IZUMO1: variants seen among roughly 807,000 people sequenced by gnomAD.
The protein encoded by IZUMO1 is izumo sperm-oocyte fusion 1.
A neutral mutation model predicts 40.7 loss-of-function variants in IZUMO1; 44 were observed. The ratio of observed to expected loss-of-function variants is 1.08; its 90% confidence interval spans 0.85 to 1.39. The LOEUF is 1.39. Among genes scored for constraint, IZUMO1 ranks in the 40% most tolerant of loss-of-function variants. IZUMO1 has a pLI of 0.00. For missense variants in IZUMO1, 368 were observed against 436.9 expected (o/e 0.84, Z 1.41); for synonymous variants, 149 against 170.9 (o/e 0.87, Z 1.00).
At position 48,741,649 on chromosome 19, in the gene IZUMO1, C is replaced by T; in HGVS notation, c.754+140G>A. 1 of 1,280,692 alleles carries T rather than the reference C, an allele frequency of 7.8e-7. No individual in the cohort carries two copies. Among genetic ancestry groups the T allele is most frequent in the Non-Finnish European group, 1.1e-6 (1 of 944,846 alleles). The allele number at this position is 1,280,692 out of a possible 1,614,324, so 79.3% of individuals were successfully genotyped here. ...TCCTCGGGGCCAGAGGCCACGCCCC[C>T]GGCAGGAAGCCACACCCCGTGCCCC... On this transcript the variant is annotated intron_variant, in intron 8 of 9. Transcript: ENST00000332955. The surrounding 1 kb of genome is among the most constrained non-coding windows in gnomAD (Gnocchi z 4.4).
At position 48,745,877 on chromosome 19, in the gene IZUMO1, G is replaced by A. The variant is rs1378361331; in HGVS notation, c.-18C>T. The A allele has an allele frequency of 1.2e-6, 2 of 1,613,622 alleles. No individual in the cohort carries two copies. The highest frequency in any genetic ancestry group is 1.7e-6 in the Non-Finnish European group (2 of 1,179,730). ...GGCCCCATTGCAGCCGGCGCGCACA[G>A]TTCCCGAAGACCGTTAGGAAGGGTG... is the stretch of plus-strand genomic sequence containing the variant. On this transcript the variant is annotated 5_prime_UTR_variant, in exon 2 of 10. Transcript: ENST00000332955.
rs1440376935 is a variant in IZUMO1 at position 48,740,958 on chromosome 19, C to A, written c.1003G>T (p.Glu335Ter). The part of the protein sequence containing the change: ...SLFGLGSGAA[E>*]QTQVPKEKAT... ...TTTTCTTTTGGGACCTGGGTTTGCTCGGCCGCTCCACTGCCAAGGCCAAAC... is the reference window on the plus strand; with the variant it reads ...TTTTCTTTTGGGACCTGGGTTTGCTAGGCCGCTCCACTGCCAAGGCCAAAC... Residue 335 changes from glutamate to a stop codon, truncating the protein, a stop_gained, in exon 10 of 10, where the codon GAG (glutamate) becomes TAG (stop). Transcript: ENST00000332955. LOFTEE classifies it low-confidence loss of function (END_TRUNC). This position sits in a 1 kb window ranked among gnomAD's most constrained non-coding sequence, Gnocchi z 5.5. The A allele has an allele frequency of 6.2e-7, 1 of 1,614,152 alleles. No individual in the cohort carries two copies. Among genetic ancestry groups the A allele is most frequent in the Non-Finnish European group, 8.5e-7 (1 of 1,180,008 alleles).
In IZUMO1 at chr19:48,745,854, C is replaced by G; in HGVS notation, c.6G>C (p.Gly2=). The change falls in exon 2 of 10, where the codon GGG becomes GGC. Residue 2 remains glycine, a synonymous_variant. Transcript: ENST00000332955. ...CCGCACACAGGAGGGTAAAATGCGGCCCCATTGCAGCCGGCGCGCACAGTT... is the reference window on the plus strand; with the variant it reads ...CCGCACACAGGAGGGTAAAATGCGGGCCCATTGCAGCCGGCGCGCACAGTT... The part of the protein sequence containing the change: M[G]PHFTLLCAAL... 6.2e-7 allele frequency: 1 copy of G among 1,614,140 alleles called. No homozygotes were observed. Among genetic ancestry groups the G allele is most frequent in the South Asian group, 1.1e-5 (1 of 91,080 alleles).
At chr19:48,742,943 G>C (rs1474887783) in intron 6 of IZUMO1, 1 of 153,744 alleles carries the variant, frequency 6.5e-6, no homozygotes, top group African/African-American at 2.4e-5. Flanking sequence ...TCTTGGCCAG[G>C]CTGGTCTTGA....
At position 48,743,487 on chromosome 19, in the gene IZUMO1, T is replaced by C. The variant is rs2033784222; in HGVS notation, c.457A>G (p.Lys153Glu). Reference protein sequence around the residue: ...LQTLIWCKNCKKEVHACRKSY... With the variant: ...LQTLIWCKNCEKEVHACRKSY... ...TTTCGACAAGCGTGAACCTCCTTTT[T>C]GCAGTTCTTGCACCAGATCAGAGTT... The change falls in exon 6 of 10, where the codon AAA becomes GAA. Residue 153 changes from lysine to glutamate, a missense_variant. Transcript: ENST00000332955. 1.2e-6 allele frequency: 2 copies of C among 1,614,072 alleles called. No individual in the cohort carries two copies. The highest frequency in any genetic ancestry group is 2.2e-5 in the East Asian group (1 of 44,892).
chr19:48,745,773 G>A lies in IZUMO1; in HGVS notation c.87C>T (p.Val29=). 6.2e-7 allele frequency: 1 copy of A among 1,614,172 alleles called. No individual in the cohort carries two copies. Among genetic ancestry groups the A allele is most frequent in the African/African-American group, 1.3e-5 (1 of 75,032 alleles). The change falls in exon 2 of 10, where the codon GTC becomes GTT. Residue 29 remains valine (V), a synonymous_variant. Coordinates refer to ENST00000332955, the MANE Select transcript of IZUMO1 (RefSeq NM_182575.3). ...TCTCCAGGGACTTTAGCGCCAGCAC[G>A]ACAGACGGGTCACATATAACACACC... ...AEGCVICDPS[V]VLALKSLEKD...
chr19:48,743,945 C>T (rs555423621), intron 5 of IZUMO1: 46 of 546,604 alleles, frequency 8.4e-5, no homozygotes, highest in Non-Finnish European at 1.3e-4. Flanking sequence ...GAGCCGTGAT[C>T]GTGCCACTGC....
chr19:48,744,248 T>G, intron 4 of IZUMO1, 53 bp from the exon 5 acceptor site: 13 of 1,574,380 alleles, frequency 8.3e-6, no homozygotes, highest in Non-Finnish European at 1.0e-5. Flanking sequence ...GAGTCAGATT[T>G]CTAAATGAAA....
chr19:48,745,462 A>AT (rs1173517555), intron 2 of IZUMO1, 163 bp downstream of exon 2: 1 of 1,046,508 alleles, frequency 9.6e-7, no homozygotes, highest in African/African-American at 1.6e-5. Flanking sequence ...CCAGCCGAGG[A>AT]TAGGGAAAAC....
At chr19:48,745,490 G>T in intron 2 of IZUMO1, 135 bp downstream of exon 2, 1 of 1,163,874 alleles carries the variant, frequency 8.6e-7, no homozygotes, top group East Asian at 2.4e-5. Flanking sequence ...ACTAGCCTCG[G>T]GGAACCTCGG....
chr19:48,743,405 C>A (rs1343197789), intron 6 of IZUMO1, 40 bp downstream of exon 6: 1 of 1,608,244 alleles, frequency 6.2e-7, no homozygotes, highest in Non-Finnish European at 8.5e-7. Flanking sequence ...CGCCCCACCC[C>A]ACCTGCACCA....
At chr19:48,744,406 A>G in intron 4 of IZUMO1, 47 bp downstream of exon 4, 1 of 1,450,804 alleles carries the variant, frequency 6.9e-7, no homozygotes, top group African/African-American at 1.4e-5. Context: ...GGACTCTTGG[A>G]TAGTGGAAAG....
chr19:48,745,594 C>T (rs766464854), intron 2 of IZUMO1, 31 bp downstream of exon 2: 1 of 1,612,654 alleles, frequency 6.2e-7, no homozygotes, highest in South Asian at 1.1e-5. Flanking sequence ...TTTCCCAGGA[C>T]CCAGGGGTCC....
chr19:48,745,099 G>A (rs1442139933), intron 3 of IZUMO1, 115 bp downstream of exon 3: 5 of 816,796 alleles, frequency 6.1e-6, no homozygotes, highest in Admixed American at 5.9e-5. Context: ...GGCAGAGCAG[G>A]CATTGGAATC....
intron 1 of IZUMO1, 154 bp downstream of exon 1, chr19:48,746,281 C>A (rs1340255041): frequency 9.7e-7 from 1 of 1,036,014 alleles, no homozygotes; most frequent in African/African-American, 1.7e-5. Context: ...TGAACTCCAA[C>A]CCTTAAGAGC....
intron 1 of IZUMO1, chr19:48,746,212 C>G: frequency 3.7e-6 from 4 of 1,085,694 alleles, no homozygotes; most frequent in South Asian, 3.0e-5. Context: ...CAACCCCATG[C>G]GCCCCTTCCC....
chr19:48,743,122 G>T (rs1372902536), intron 6 of IZUMO1: 4 of 348,168 alleles, frequency 1.1e-5, no homozygotes, highest in Admixed American at 8.4e-5. Context: ...CAACTCCTGG[G>T]TCCAAGCAAT....
rs1228996798 is a variant in IZUMO1, at chr19:48,746,902, G to C, written c.-541C>G. The stretch of plus-strand genomic sequence containing the variant: ...ACGTAGGGGCCCGAATTCCTTTATA[G>C]ATATTCCTTGGGGTTTTCCTCGGCC... On this transcript the variant is annotated 5_prime_UTR_variant, in exon 1 of 10. It adds an upstream start codon to the 5' untranslated region. Coordinates refer to ENST00000332955, the MANE Select transcript of IZUMO1 (RefSeq NM_182575.3). 15 of 985,314 alleles carry C rather than the reference G, an allele frequency of 1.5e-5. No homozygotes were observed. The highest frequency in any genetic ancestry group is 1.8e-5 in the Non-Finnish European group (15 of 829,942). 61.0% of individuals were successfully genotyped at this position (985,314 alleles called of 1,614,324 possible).
rs1407541318 is a variant in IZUMO1, at chr19:48,741,384, C to T, written c.849G>A (p.Leu283=). ...TTESSISLQP[L]QPEKMLASRL... is the part of the protein sequence containing the mutation. ...GGCTTGCCAGCATTTTCTCGGGCTG[C>T]AGAGGCTGGAGGCTTATGGACGACT... is the stretch of plus-strand genomic sequence containing the variant. The change falls in exon 9 of 10, where the codon CTG becomes CTA. Residue 283 remains leucine (L), a synonymous_variant. Transcript: ENST00000332955. The surrounding 1 kb of genome is among the most constrained non-coding windows in gnomAD (Gnocchi z 4.4). The T allele has an allele frequency of 6.2e-7, 1 of 1,613,370 alleles. No homozygotes were observed. The highest frequency in any genetic ancestry group is 8.5e-7 in the Non-Finnish European group (1 of 1,179,922).
Sources: allele counts gnomAD v4.1 joint callset, GRCh38; gene constraint gnomAD v4.1.1; non-coding constraint Gnocchi (gnomAD v3.1); transcripts MANE v1.5; gene names NCBI Gene and HGNC (gene_info 2026-07-23, HGNC 2026-07-21).